The following ATP6V1B2 variants were observed in gnomAD, a reference collection of about 807,000 sequenced individuals.
The protein encoded by ATP6V1B2 is ATPase H+ transporting V1 subunit B2.
In ATP6V1B2, 23 loss-of-function variants were observed where a neutral mutation model predicts 66.7. That is an observed-to-expected ratio of 0.34 (90% CI 0.25 to 0.49). The LOEUF (loss-of-function observed/expected upper bound fraction) is 0.49. Ranked by LOEUF, ATP6V1B2 falls within the 20% of genes least tolerant of loss-of-function variation. ATP6V1B2 has a pLI of 0.99. For missense variants in ATP6V1B2, 478 were observed against 650.8 expected, an observed-to-expected ratio of 0.73 and a Z score of 2.89; for synonymous variants, 278 against 236.7, an observed-to-expected ratio of 1.17 and a Z score of -1.60.
At chr8:20,210,063 A>AAT (rs3043845) in intron 3 of ATP6V1B2, among the ~76,000 whole-genome samples, 6,341 of 147,074 alleles carry the variant, frequency 0.043, 165 homozygotes, top group East Asian at 0.073. Context: ...CCCTTTAAAA[A>AAT]ATATATATAT....
At position 20,220,602 on chromosome 8, in the gene ATP6V1B2, T is replaced by C. The variant is rs1337156741; in HGVS notation, c.*200T>C. 6 of 690,700 alleles carry C rather than the reference T, an allele frequency of 8.7e-6. No homozygotes were observed. The highest frequency in any genetic ancestry group is 1.3e-5 in the Non-Finnish European group (6 of 460,838). The allele number at this position is 690,700 out of a possible 1,614,324, so 42.8% of individuals were successfully genotyped here. ...ACCTTAAAATATCCCCCTACCTGGG[T>C]CCTCAGTGCTATGTTTAAAGTGCTG... On this transcript the variant is annotated 3_prime_UTR_variant, in exon 14 of 14. Transcript: ENST00000276390.
At chr8:20,206,033 C>A (rs374945731) in intron 2 of ATP6V1B2, among the ~76,000 whole-genome samples, 3 of 152,162 alleles carry the variant, frequency 2.0e-5, no homozygotes, top group African/African-American at 7.2e-5. Context: ...TTTTAAAAAG[C>A]CTCTTCGAAA....
intron 6 of ATP6V1B2, 32 bp from the exon 7 acceptor site, chr8:20,211,619 AT>A: frequency 6.4e-7 from 1 of 1,564,426 alleles, no homozygotes; most frequent in Non-Finnish European, 8.7e-7. Context: ...GTTATTTTAG[AT>A]TTCAACTGAA....
In ATP6V1B2 at chr8:20,212,164, T is replaced by C. The variant is rs760008719; in HGVS notation, c.768T>C (p.Asn256=). ...TTGAAGAAAATGGCTCAATGGACAA[T>C]GTCTGCCTCTTTTTGAACTTGGCTA... ...SDFEENGSMD[N]VCLFLNLAND... The change falls in exon 8 of 14, where the codon AAT becomes AAC. Residue 256 remains asparagine, a synonymous_variant. Transcript: ENST00000276390. The C allele has an allele frequency of 6.2e-7, 1 of 1,613,708 alleles. No homozygotes were observed. The highest frequency in any genetic ancestry group is 8.5e-7 in the Non-Finnish European group (1 of 1,179,784).
intron 1 of ATP6V1B2, among the ~76,000 whole-genome samples, chr8:20,199,729 G>C (rs1432341602): frequency 6.7e-6 from 1 of 149,550 alleles, no homozygotes; most frequent in East Asian, 2.0e-4. Flanking sequence ...TCCTGCGTCA[G>C]CCTTTCGAGT....
At chr8:20,200,795 C>T (rs1453601221) in intron 1 of ATP6V1B2, among the ~76,000 whole-genome samples, 2 of 152,152 alleles carry the variant, frequency 1.3e-5, no homozygotes, top group Non-Finnish European at 2.9e-5. Context: ...GAATCTTCTC[C>T]TTGCTTTTTT....
rs2072781309 is a variant in ATP6V1B2, at chr8:20,210,426, T to G, written c.372T>G (p.Ser124=). 1 of 1,613,520 alleles carries G rather than the reference T, an allele frequency of 6.2e-7. No individual in the cohort carries two copies. Among genetic ancestry groups the G allele is most frequent in the Admixed American group, 1.7e-5 (1 of 59,972 alleles). ...FTGDILRTPV[S]EDMLGRVFNG... ...GGGATATTCTCCGAACACCGGTGTC[T>G]GAGGATATGCTTGGTAAATGGATAT... The change falls in exon 4 of 14, where the codon TCT becomes TCG. Residue 124 remains serine, a synonymous_variant. Transcript: ENST00000276390.
At chr8:20,208,361 G>T (rs1477174329) in intron 2 of ATP6V1B2, among the ~76,000 whole-genome samples, 1 of 152,120 alleles carries the variant, frequency 6.6e-6, no homozygotes, top group East Asian at 1.9e-4. Context: ...TAATACTAAG[G>T]TGCCCATATC....
intron 5 of ATP6V1B2, 103 bp downstream of exon 5, chr8:20,210,749 G>A (rs1317602113): frequency 1.2e-6 from 1 of 827,822 alleles, no homozygotes; most frequent in Non-Finnish European, 2.0e-6. Context: ...ACTTAAAGTA[G>A]ATAGGCAACA....
chr8:20,206,059 A>G (rs2072735876), intron 2 of ATP6V1B2, among the ~76,000 whole-genome samples: 2 of 152,238 alleles, frequency 1.3e-5, no homozygotes, highest in Admixed American at 1.3e-4. Flanking sequence ...GAATATAACA[A>G]ACTTTTAACC....
At chr8:20,205,113 C>T (rs1333514972) in intron 2 of ATP6V1B2, among the ~76,000 whole-genome samples, 1 of 151,976 alleles carries the variant, frequency 6.6e-6, no homozygotes, top group Non-Finnish European at 1.5e-5. Context: ...AGGCAGGTGC[C>T]CATTAACGTT....
chr8:20,217,581 G>A (rs150977255), intron 12 of ATP6V1B2, among the ~76,000 whole-genome samples: 1 of 152,264 alleles, frequency 6.6e-6, no homozygotes, highest in East Asian at 1.9e-4. Flanking sequence ...AAGCAATGAG[G>A]TTGTTTAAAT....
chr8:20,210,717 A>G (rs1711150472), intron 5 of ATP6V1B2, 71 bp downstream of exon 5: 1 of 1,389,332 alleles, frequency 7.2e-7, no homozygotes, highest in Non-Finnish European at 1.0e-6. Flanking sequence ...TTTGCCAGAT[A>G]GAGAGTGTTT....
chr8:20,221,112 T>G lies in ATP6V1B2; in HGVS notation c.*710T>G, dbSNP rs1245510023. On this transcript the variant is annotated 3_prime_UTR_variant, in exon 14 of 14. Coordinates refer to ENST00000276390, the MANE Select transcript of ATP6V1B2 (RefSeq NM_001693.4). ...GACCCCTTGTCTTGGTGATCCTTAC[T>G]GGGTTTCCAAGCAGAGGAGTCACAT... 6.6e-6 allele frequency: 1 copy of G among 152,198 alleles called. No homozygotes were observed. Among genetic ancestry groups the G allele is most frequent in the Non-Finnish European group, 1.5e-5 (1 of 68,044 alleles). 9.4% of individuals were successfully genotyped at this position (152,198 alleles called of 1,614,324 possible). A position where few individuals can be genotyped will look rare whatever the true frequency, so the allele number is the denominator to read the frequency against.
chr8:20,209,333 G>A, intron 2 of ATP6V1B2, 100 bp from the exon 3 acceptor site: 1 of 1,173,208 alleles, frequency 8.5e-7, no homozygotes, highest in Admixed American at 2.0e-5. Context: ...AGAGTAGAGG[G>A]TTCCATATTC....
intron 1 of ATP6V1B2, 27 bp downstream of exon 1, chr8:20,197,569 C>T (rs2072641201): frequency 1.5e-6 from 2 of 1,349,984 alleles, no homozygotes; most frequent in Middle Eastern, 2.0e-4. Flanking sequence ...AATACGTCTC[C>T]GGTCTTTGCT....
Sources: allele counts gnomAD v4.1 joint callset (sites outside exome capture counted in the v4.1 genomes callset), GRCh38; gene constraint gnomAD v4.1.1; transcripts MANE v1.5; gene names NCBI Gene and HGNC (gene_info 2026-07-23, HGNC 2026-07-21).